TRIOBP: variants seen among roughly 807,000 people sequenced by gnomAD.
The protein encoded by TRIOBP is TRIO and F-actin-binding protein.
A neutral mutation model predicts 238.8 loss-of-function variants in TRIOBP; 169 were observed. The observed-to-expected ratio is 0.71, with a 90% CI of 0.62 to 0.80. The LOEUF is 0.80. Among genes scored for constraint, TRIOBP ranks in the 30% least tolerant of loss-of-function variants. The pLI, the probability that TRIOBP is intolerant of heterozygous loss-of-function variation, is 0.00. For synonymous variants in TRIOBP, 1,150 were observed against 1,274.4 expected (o/e 0.90, Z 2.08); for missense variants, 2,838 against 3,122.6 (o/e 0.91, Z 2.17).
rs1923185421 is a variant in TRIOBP at position 37,710,581 on chromosome 22, AG to A, written c.254+18del. 6.2e-7 allele frequency: 1 copy of A among 1,605,962 alleles called. No homozygotes were observed. The highest frequency in any genetic ancestry group is 8.5e-7 in the Non-Finnish European group (1 of 1,178,370). On this transcript the variant is annotated intron_variant, in intron 4 of 23. Transcript: ENST00000644935. ...GGGCCCAAGAGGTGGGTAGAGTCCC[AG>A]GGCCCAGGAAGGGCTTCATGGGGTG...
intron 4 of TRIOBP, among the ~76,000 whole-genome samples, chr22:37,710,999 C>T (rs772197928): frequency 1.3e-5 from 2 of 152,222 alleles, no homozygotes; most frequent in Non-Finnish European, 2.9e-5. Flanking sequence ...TGCTGTCACC[C>T]ACCTACGTGG....
chr22:37,697,378 G>C (rs762200525), intron 1 of TRIOBP, among the ~76,000 whole-genome samples: 2 of 152,152 alleles, frequency 1.3e-5, no homozygotes, highest in Non-Finnish European at 2.9e-5. Context: ...AATGAGCGGC[G>C]TTCTCCTGCT....
At chr22:37,756,636 C>T (rs1482314713) in intron 15 of TRIOBP, among the ~76,000 whole-genome samples, 1 of 152,190 alleles carries the variant, frequency 6.6e-6, no homozygotes, top group African/African-American at 2.4e-5. Context: ...AGAACAGCCC[C>T]GAGGTATGCA....
chr22:37,726,024 G>C lies in TRIOBP; in HGVS notation c.3468G>C (p.Glu1156Asp). ...SLVPSMDSLH[E>D]CPHIPTPVCI... ...TCCCTTCCATGGACTCTCTGCACGA[G>C]TGCCCCCACATCCCCACCCCTGTGT... Residue 1156 changes from glutamate to aspartate, a missense_variant, in exon 7 of 24, where the codon GAG becomes GAC. Transcript: ENST00000644935. 2 of 1,610,182 alleles carry C rather than the reference G, an allele frequency of 1.2e-6. No individual in the cohort carries two copies. Among genetic ancestry groups the C allele is most frequent in the South Asian group, 1.1e-5 (1 of 90,716 alleles).
chr22:37,700,111 A>C (rs1001067696), intron 2 of TRIOBP, among the ~76,000 whole-genome samples: 1 of 151,810 alleles, frequency 6.6e-6, no homozygotes. Flanking sequence ...TCCTGGCCTC[A>C]AGTGATCTGC....
chr22:37,703,638 G>A (rs1280802880), intron 3 of TRIOBP, among the ~76,000 whole-genome samples: 1 of 151,178 alleles, frequency 6.6e-6, no homozygotes, highest in Non-Finnish European at 1.5e-5. Context: ...ATGAGTAGCT[G>A]GGACAACAGG....
At chr22:37,719,999 CCTT>C (rs1569038662) in intron 6 of TRIOBP, among the ~76,000 whole-genome samples, 50 of 33,698 alleles carry the variant, frequency 1.5e-3, no homozygotes, top group Non-Finnish European at 2.1e-3. Context: ...CCCCCCCCGC[CCTT>C]TTTTTTTTTT....
chr22:37,760,700 C>T (rs1032367064), intron 17 of TRIOBP, among the ~76,000 whole-genome samples: 2 of 152,128 alleles, frequency 1.3e-5, no homozygotes, highest in African/African-American at 4.8e-5. Context: ...AGGGGCCAGG[C>T]GCAGTGGCTC....
intron 1 of TRIOBP, among the ~76,000 whole-genome samples, chr22:37,697,329 G>A (rs1922400203): frequency 6.6e-6 from 1 of 152,196 alleles, no homozygotes; most frequent in Admixed American, 6.5e-5. Context: ...GGAGCAGCGA[G>A]GGGCACGTGG....
At chr22:37,728,834 A>G (rs1924297509) in intron 7 of TRIOBP, among the ~76,000 whole-genome samples, 1 of 152,224 alleles carries the variant, frequency 6.6e-6, no homozygotes, top group Non-Finnish European at 1.5e-5. Flanking sequence ...TGTACAGCCT[A>G]TAGGCTTGAA....
At chr22:37,759,459 C>G (rs754181186) in intron 17 of TRIOBP, 195 bp downstream of exon 17, 1 of 1,514,784 alleles carries the variant, frequency 6.6e-7, no homozygotes, top group Admixed American at 1.7e-5. Flanking sequence ...GACAAGGCCA[C>G]TGAGCTCTGA....
At chr22:37,709,551 C>T (rs955954717) in intron 3 of TRIOBP, among the ~76,000 whole-genome samples, 21 of 152,284 alleles carry the variant, frequency 1.4e-4, no homozygotes, top group East Asian at 9.7e-4. Flanking sequence ...TGCTGACAGT[C>T]GACAGCCACC....
chr22:37,702,334 A>G (rs1333285035), intron 3 of TRIOBP, among the ~76,000 whole-genome samples: 4 of 151,274 alleles, frequency 2.6e-5, no homozygotes, highest in Admixed American at 6.6e-5. Context: ...CCTCCCAAGT[A>G]TTGGGATTAC....
At chr22:37,752,302 G>A (rs1229624674) in intron 12 of TRIOBP, among the ~76,000 whole-genome samples, 1 of 152,222 alleles carries the variant, frequency 6.6e-6, no homozygotes, top group Non-Finnish European at 1.5e-5. Flanking sequence ...AATGGATAAT[G>A]GTGATTCTTT....
rs374756168 is a variant in TRIOBP, at chr22:37,723,607, C to A, written c.1051C>A (p.Leu351Met). 3.7e-6 allele frequency: 6 copies of A among 1,614,042 alleles called. No individual in the cohort carries two copies. The African/African-American group carries it at 8.0e-5, about 22-fold the overall frequency. Residue 351 changes from leucine (L) to methionine (M), a missense_variant, in exon 7 of 24, where the codon CTG becomes ATG. Coordinates refer to ENST00000644935, the MANE Select transcript of TRIOBP (RefSeq NM_001039141.3). The part of the protein sequence containing the change: ...RASSPSRSTQ[L>M]DNPRTSSTQQ... ...TTCCTCTCCCTCACGAAGCACCCAACTGGATAACCCCAGAACCTCTTCTAC... is the reference window on the plus strand; with the variant it reads ...TTCCTCTCCCTCACGAAGCACCCAAATGGATAACCCCAGAACCTCTTCTAC...
At position 37,754,945 on chromosome 22, in the gene TRIOBP, T is replaced by C. The variant is rs748632119; in HGVS notation, c.5448T>C (p.Asp1816=). The C allele has an allele frequency of 6.2e-7, 1 of 1,614,164 alleles. No individual in the cohort carries two copies. Among genetic ancestry groups the C allele is most frequent in the Admixed American group, 1.7e-5 (1 of 60,018 alleles). ...QWKKHWFVLT[D]SSLKYYRDST... ...AGAAACATTGGTTTGTGCTGACAGATTCAAGTCTCAAATATTACAGAGACT... is the reference window on the plus strand; with the variant it reads ...AGAAACATTGGTTTGTGCTGACAGACTCAAGTCTCAAATATTACAGAGACT... The change falls in exon 13 of 24, where the codon GAT becomes GAC. Residue 1816 remains aspartate (D), a synonymous_variant. Coordinates refer to ENST00000644935, the MANE Select transcript of TRIOBP (RefSeq NM_001039141.3).
At chr22:37,726,947 C>T (rs544302107) in intron 7 of TRIOBP, among the ~76,000 whole-genome samples, 8 of 149,218 alleles carry the variant, frequency 5.4e-5, no homozygotes, top group Admixed American at 5.4e-4. Flanking sequence ...GCTCTTGTTG[C>T]CCAGGCCGGA....
rs879395847 is a variant in TRIOBP at position 37,751,306 on chromosome 22, C to G, written c.5323-466C>G. ...TCCACCTCCCATAGTCTCCTGGAGC[C>G]GAGGAAAGGACAGGACTGGCGGGCC... On this transcript the variant is annotated intron_variant, in intron 11 of 23. Coordinates refer to ENST00000644935, the MANE Select transcript of TRIOBP (RefSeq NM_001039141.3). 3 of 335,082 alleles carry G rather than the reference C, an allele frequency of 9.0e-6. No homozygotes were observed. In the East Asian group the frequency reaches 2.6e-4, roughly 29 times the overall value. The allele number at this position is 335,082 out of a possible 1,614,324, so 20.8% of individuals were successfully genotyped here.
At chr22:37,736,210 G>T (rs531059830) in intron 9 of TRIOBP, among the ~76,000 whole-genome samples, 5 of 152,364 alleles carry the variant, frequency 3.3e-5, no homozygotes, top group African/African-American at 1.2e-4. Flanking sequence ...GGTGGGCAGG[G>T]AGGGTCTTGG....
Sources: gnomAD v4.1 joint callset for allele counts (sites outside exome capture counted in the v4.1 genomes callset) on GRCh38, gnomAD v4.1.1 for gene constraint, MANE v1.5 for transcripts, NCBI Gene and HGNC (gene_info 2026-07-23, HGNC 2026-07-21) for gene names.